The following SUB1 variants were observed in gnomAD, a reference collection of about 807,000 sequenced individuals.
SUB1 encodes SUB1 regulator of transcription.
A neutral mutation model predicts 16.9 loss-of-function variants in SUB1; 1 was observed. The observed-to-expected ratio is 0.06, with a 90% confidence interval of 0.02 to 0.28. The LOEUF (loss-of-function observed/expected upper bound fraction) is 0.28, where lower values mean the gene tolerates loss of function less well. SUB1 is among the 10% of genes least tolerant of loss of function. The pLI is 1.00. For synonymous variants in SUB1, 51 were observed against 46.9 expected (o/e 1.09, Z -0.36); for missense variants, 84 against 145.2 (o/e 0.58, Z 2.16).
rs918805093 is a variant in SUB1 at position 32,598,700 on chromosome 5, G to A, written c.196-261G>A. On this transcript the variant is annotated intron_variant, in intron 3 of 4. Coordinates refer to ENST00000265073, the MANE Select transcript of SUB1 (RefSeq NM_006713.4). Reference sequence around the variant, plus strand: ...TACCTAACTTTTTCTTAATGTTTTCGTTATTTCTAGGCTATGCAGTTGTTC... The same window carrying A: ...TACCTAACTTTTTCTTAATGTTTTCATTATTTCTAGGCTATGCAGTTGTTC... 1.0e-4 allele frequency: 28 copies of A among 268,516 alleles called. No individual in the cohort carries two copies. The East Asian group carries it at 2.0e-3, about 19-fold the overall frequency. The allele number at this position is 268,516 out of a possible 1,614,324, so 16.6% of individuals were successfully genotyped here.
chr5:32,603,910 G>C lies in SUB1; in HGVS notation c.*2826G>C, dbSNP rs1739176853. Reference sequence around the variant, plus strand: ...CTCAAAAGTTTTTTTTTTTTTAAAAGTGTTTTTCCAGATAAACTGTAGGGT... The same window carrying C: ...CTCAAAAGTTTTTTTTTTTTTAAAACTGTTTTTCCAGATAAACTGTAGGGT... On this transcript the variant is annotated 3_prime_UTR_variant, in exon 5 of 5. Coordinates refer to ENST00000265073, the MANE Select transcript of SUB1 (RefSeq NM_006713.4). 1 of 149,844 alleles carries C rather than the reference G, an allele frequency of 6.7e-6. No individual in the cohort carries two copies. Among genetic ancestry groups the C allele is most frequent in the Admixed American group, 6.7e-5 (1 of 15,034 alleles). 9.3% of individuals were successfully genotyped at this position (149,844 alleles called of 1,614,324 possible).
At position 32,601,099 on chromosome 5, in the gene SUB1, A is replaced by G. The variant is rs200371394; in HGVS notation, c.*15A>G. The G allele has an allele frequency of 1.7e-3, 2,743 of 1,599,668 alleles. 2 individuals are homozygous for G. Among genetic ancestry groups the G allele is most frequent in the Non-Finnish European group, 2.2e-3 (2,519 of 1,168,984 alleles). ...GAAAACTGTAAAATTCGAGCCATAT[A>G]AATAAAACCTGTACTGTTCTAGTTG... On this transcript the variant is annotated 3_prime_UTR_variant, in exon 5 of 5. Coordinates refer to ENST00000265073, the MANE Select transcript of SUB1 (RefSeq NM_006713.4).
chr5:32,598,979 G>GTT lies in SUB1; in HGVS notation c.215_216dup (p.Ser73LeufsTer11). ...TTTGCAGATTGGGAAAATGAGGTAC[G>GTT]TTAGTGTTCGCGATTTTAAAGGCAA... On this transcript the variant is annotated frameshift_variant, in exon 4 of 5. Coordinates refer to ENST00000265073, the MANE Select transcript of SUB1 (RefSeq NM_006713.4). LOFTEE classifies it high-confidence loss of function. 1 of 1,613,438 alleles carries GTT rather than the reference G, an allele frequency of 6.2e-7. No individual in the cohort carries two copies. Among genetic ancestry groups the GTT allele is most frequent in the Non-Finnish European group, 8.5e-7 (1 of 1,179,654 alleles).
chr5:32,588,341 C>A (rs1448780685), intron 1 of SUB1, among the ~76,000 whole-genome samples, 171 bp from the exon 2 acceptor site: 1 of 152,140 alleles, frequency 6.6e-6, no homozygotes, highest in Non-Finnish European at 1.5e-5. Flanking sequence ...TTATTTGCAA[C>A]TTAAAAGGGT....
At chr5:32,594,715 T>G (rs1300330390) in intron 3 of SUB1, 2 of 381,548 alleles carry the variant, frequency 5.2e-6, no homozygotes, top group Non-Finnish European at 1.1e-5. Context: ...TATTGTGAAC[T>G]GCGCATGCAA....
intron 1 of SUB1, among the ~76,000 whole-genome samples, chr5:32,586,818 C>T (rs1289017902): frequency 2.0e-5 from 3 of 152,182 alleles, no homozygotes; most frequent in Non-Finnish European, 2.9e-5. Flanking sequence ...ATGAACATTG[C>T]TTTTCCCTTC....
chr5:32,602,915 A>C lies in SUB1; in HGVS notation c.*1831A>C, dbSNP rs1043427661. 2 of 152,102 alleles carry C rather than the reference A, an allele frequency of 1.3e-5. No homozygotes were observed. Among genetic ancestry groups the C allele is most frequent in the Non-Finnish European group, 2.9e-5 (2 of 67,992 alleles). 9.4% of individuals were successfully genotyped at this position (152,102 alleles called of 1,614,324 possible). On this transcript the variant is annotated 3_prime_UTR_variant, in exon 5 of 5. Coordinates refer to ENST00000265073, the MANE Select transcript of SUB1 (RefSeq NM_006713.4). ...TTAACTTAATTGGATAGATTTTTAA[A>C]TATTTCTTATTTTTGGCACACGGAA...
At chr5:32,593,763 G>C (rs1481214124) in intron 3 of SUB1, among the ~76,000 whole-genome samples, 7 of 151,394 alleles carry the variant, frequency 4.6e-5, no homozygotes, top group African/African-American at 1.7e-4. Flanking sequence ...CACGAATCTC[G>C]GCTCACTGCA....
chr5:32,587,733 C>G (rs1376963318), intron 1 of SUB1, among the ~76,000 whole-genome samples: 2 of 151,960 alleles, frequency 1.3e-5, no homozygotes, highest in Non-Finnish European at 2.9e-5. Flanking sequence ...GCCTCAGTCT[C>G]CCGAATTGCT....
intron 3 of SUB1, chr5:32,597,827 A>G (rs1287725288): frequency 1.3e-5 from 2 of 152,234 alleles, no homozygotes; most frequent in African/African-American, 4.8e-5. Context: ...TATGTATTAT[A>G]TACTGTATTC....
chr5:32,597,157 A>G (rs865782584), intron 3 of SUB1: 3 of 152,166 alleles, frequency 2.0e-5, no homozygotes, highest in Non-Finnish European at 2.9e-5. Context: ...AAAACCATAA[A>G]AGTATATTCA....
Position 32,603,435 on chromosome 5 carries a change from C to G in SUB1, c.*2351C>G, listed in dbSNP as rs1301980399. 6.6e-6 allele frequency: 1 copy of G among 152,008 alleles called. No individual in the cohort carries two copies. Among genetic ancestry groups the G allele is most frequent in the African/African-American group, 2.4e-5 (1 of 41,386 alleles). The allele number at this position is 152,008 out of a possible 1,614,324, so 9.4% of individuals were successfully genotyped here. A position where few individuals can be genotyped will look rare whatever the true frequency, so the allele number is the denominator to read the frequency against. Reference sequence around the variant, plus strand: ...CTCAGGTTTTTCCCTTTAACAGACTCTATGTGTATCAGGGCTTTCTAATGG... The same window carrying G: ...CTCAGGTTTTTCCCTTTAACAGACTGTATGTGTATCAGGGCTTTCTAATGG... On this transcript the variant is annotated 3_prime_UTR_variant, in exon 5 of 5. Transcript: ENST00000265073.
chr5:32,599,490 A>G (rs1739063865), intron 4 of SUB1, among the ~76,000 whole-genome samples: 1 of 152,102 alleles, frequency 6.6e-6, no homozygotes, highest in Admixed American at 6.5e-5. Flanking sequence ...CTTTCCTTCC[A>G]TTTGTGCTTC....
At chr5:32,592,615 A>G (rs1370231298) in intron 3 of SUB1, among the ~76,000 whole-genome samples, 1 of 152,220 alleles carries the variant, frequency 6.6e-6, no homozygotes, top group Non-Finnish European at 1.5e-5. Flanking sequence ...TTTTTCCTAA[A>G]GAAGAAATTA....
chr5:32,595,629 A>G (rs1209108158), intron 3 of SUB1: 1 of 152,238 alleles, frequency 6.6e-6, no homozygotes, highest in Non-Finnish European at 1.5e-5. Context: ...ATATTCTTGT[A>G]CAAGTCATTT....
At chr5:32,589,655 G>A (rs1264931716) in intron 2 of SUB1, among the ~76,000 whole-genome samples, 1 of 152,074 alleles carries the variant, frequency 6.6e-6, no homozygotes, top group Non-Finnish European at 1.5e-5. Flanking sequence ...CTCACTCTGC[G>A]GTCAAGTCTT....
chr5:32,594,127 A>G (rs1307292797), intron 3 of SUB1, among the ~76,000 whole-genome samples: 1 of 152,246 alleles, frequency 6.6e-6, no homozygotes, highest in South Asian at 2.1e-4. Flanking sequence ...TAAATGTATT[A>G]AAGAGTTGTA....
At chr5:32,594,670 G>GC in intron 3 of SUB1, 1 of 442,912 alleles carries the variant, frequency 2.3e-6, no homozygotes, top group Non-Finnish European at 4.6e-6. Context: ...TGTCAGATCA[G>GC]CAGCGGCATT....
chr5:32,596,119 G>A (rs1200019374), intron 3 of SUB1: 1 of 152,130 alleles, frequency 6.6e-6, no homozygotes, highest in Non-Finnish European at 1.5e-5. Flanking sequence ...TAACAGAGAG[G>A]AAAATATGAA....
Sources: allele counts gnomAD v4.1 joint callset (sites outside exome capture counted in the v4.1 genomes callset), GRCh38; gene constraint gnomAD v4.1.1; transcripts MANE v1.5; gene names NCBI Gene and HGNC (gene_info 2026-07-23, HGNC 2026-07-21).